RNGTT: variants seen among roughly 807,000 people sequenced by gnomAD.
RNGTT encodes RNA guanylyltransferase and 5'-phosphatase.
Under a neutral mutation model 79.3 loss-of-function variants are expected in RNGTT, and 33 were observed. The ratio of observed to expected loss-of-function variants is 0.42; its 90% CI spans 0.32 to 0.56. RNGTT has a LOEUF of 0.56. Among genes scored for constraint, RNGTT ranks in the 20% least tolerant of loss-of-function variants. RNGTT has a pLI of 0.17. For synonymous variants in RNGTT, 222 were observed against 235.9 expected (o/e 0.94, Z 0.54); for missense variants, 497 against 739.1 (o/e 0.67, Z 3.80).
intron 4 of RNGTT, among the ~76,000 whole-genome samples, chr6:88,920,901 T>C (rs116020022): frequency 0.022 from 3,329 of 152,272 alleles, 125 homozygotes; most frequent in African/African-American, 0.076. Flanking sequence ...TGTTTTATAT[T>C]CCCGGCAGTG....
intron 5 of RNGTT, 107 bp from the exon 6 acceptor site, chr6:88,905,062 T>C (rs1331316121): frequency 1.6e-5 from 22 of 1,392,330 alleles, no homozygotes; most frequent in Non-Finnish European, 2.1e-5. Flanking sequence ...ACAACAGAAG[T>C]TTATAAAATG....
chr6:88,709,570 AGTC>A (rs763350929), intron 13 of RNGTT, among the ~76,000 whole-genome samples: 141 of 152,336 alleles, frequency 9.3e-4, no homozygotes, highest in Non-Finnish European at 1.6e-3. Context: ...ATTTTGTAGT[AGTC>A]ATATTAAAAA....
At chr6:88,912,213 G>A (rs1214756331) in intron 4 of RNGTT, among the ~76,000 whole-genome samples, 2 of 151,944 alleles carry the variant, frequency 1.3e-5, no homozygotes, top group Non-Finnish European at 2.9e-5. Context: ...GACCAGCCTG[G>A]GCAATAAAGC....
intron 14 of RNGTT, among the ~76,000 whole-genome samples, chr6:88,658,124 T>C (rs904387964): frequency 2.0e-5 from 3 of 152,196 alleles, no homozygotes; most frequent in African/African-American, 7.2e-5. Flanking sequence ...CGCCACCTCC[T>C]GTCTGGAGGC....
chr6:88,740,201 C>G (rs559965787), intron 13 of RNGTT, among the ~76,000 whole-genome samples: 20 of 151,882 alleles, frequency 1.3e-4, no homozygotes, highest in African/African-American at 4.6e-4. Context: ...AGAAAGGGAA[C>G]AGCAGAATTA....
rs556258753 is a variant in RNGTT, at chr6:88,658,228, T to C, written c.1506+20125A>G. Reference sequence around the variant, plus strand: ...GCTAATTCCACCACCTGCAACACCTTGGCCAACCAGAAGTCCAGAGTCTGT... The same window carrying C: ...GCTAATTCCACCACCTGCAACACCTCGGCCAACCAGAAGTCCAGAGTCTGT... On this transcript the variant is annotated intron_variant, in intron 14 of 15. Coordinates refer to ENST00000369485, the MANE Select transcript of RNGTT (RefSeq NM_003800.5). Among the ~76,000 whole-genome samples the C allele has an allele frequency of 2.3e-3, 345 of 152,272 alleles. 1 individual carries two copies. The highest frequency in any genetic ancestry group is 7.9e-3 in the African/African-American group (327 of 41,566).
intron 14 of RNGTT, among the ~76,000 whole-genome samples, chr6:88,649,213 A>G (rs564452980): frequency 6.6e-6 from 1 of 152,352 alleles, no homozygotes; most frequent in Admixed American, 6.5e-5. Flanking sequence ...GACATGTAAC[A>G]GACAAGAAAA....
At chr6:88,664,815 T>G (rs1390155913) in intron 14 of RNGTT, among the ~76,000 whole-genome samples, 1 of 152,100 alleles carries the variant, frequency 6.6e-6, no homozygotes, top group Non-Finnish European at 1.5e-5. Flanking sequence ...GAGCCCATGG[T>G]CAGAATGACA....
At chr6:88,785,606 T>C (rs1779204293) in intron 12 of RNGTT, among the ~76,000 whole-genome samples, 1 of 152,130 alleles carries the variant, frequency 6.6e-6, no homozygotes, top group Non-Finnish European at 1.5e-5. Flanking sequence ...AGAATGACAC[T>C]TTTGCAGCCT....
intron 6 of RNGTT, among the ~76,000 whole-genome samples, chr6:88,897,290 C>G (rs1357807037): frequency 1.3e-5 from 2 of 152,150 alleles, no homozygotes; most frequent in Non-Finnish European, 2.9e-5. Flanking sequence ...TACCGTTAGT[C>G]TTTTCCACTC....
intron 8 of RNGTT, among the ~76,000 whole-genome samples, chr6:88,861,203 G>T (rs916436999): frequency 1.3e-5 from 2 of 152,190 alleles, no homozygotes; most frequent in South Asian, 4.2e-4. Context: ...TCTCAATGTT[G>T]TATTAGTATA....
chr6:88,798,172 T>C (rs994927550), intron 12 of RNGTT, among the ~76,000 whole-genome samples: 13 of 151,952 alleles, frequency 8.6e-5, no homozygotes, highest in African/African-American at 2.9e-4. Context: ...ATATAAAAAA[T>C]GAGAAAAATT....
chr6:88,643,019 C>A (rs1773383533), intron 14 of RNGTT, among the ~76,000 whole-genome samples: 1 of 152,096 alleles, frequency 6.6e-6, no homozygotes, highest in Non-Finnish European at 1.5e-5. Context: ...AATACAGTTA[C>A]ATCCTGCTTA....
At chr6:88,680,726 G>A (rs1775062646) in intron 13 of RNGTT, among the ~76,000 whole-genome samples, 1 of 138,610 alleles carries the variant, frequency 7.2e-6, no homozygotes, top group Non-Finnish European at 1.5e-5. Flanking sequence ...CGGGCAAGAA[G>A]AGCAAAACTC....
At chr6:88,794,088 T>G (rs1475345406) in intron 12 of RNGTT, among the ~76,000 whole-genome samples, 1 of 152,232 alleles carries the variant, frequency 6.6e-6, no homozygotes, top group Non-Finnish European at 1.5e-5. Context: ...GCTAAGCTCT[T>G]ACAGCCTCTA....
At chr6:88,783,800 G>A (rs535288800) in intron 12 of RNGTT, among the ~76,000 whole-genome samples, 128 of 152,156 alleles carry the variant, frequency 8.4e-4, no homozygotes, top group Admixed American at 3.5e-3. Context: ...GGCCTCTATG[G>A]GCCAATCAAA....
At chr6:88,813,340 C>T (rs527607878) in intron 11 of RNGTT, among the ~76,000 whole-genome samples, 1 of 152,256 alleles carries the variant, frequency 6.6e-6, no homozygotes, top group South Asian at 2.1e-4. Context: ...GAGGACTTTC[C>T]AGACCTCTCC....
At chr6:88,833,977 C>T (rs1780973217) in intron 11 of RNGTT, among the ~76,000 whole-genome samples, 1 of 152,128 alleles carries the variant, frequency 6.6e-6, no homozygotes, top group African/African-American at 2.4e-5. Context: ...GCCGAGATAG[C>T]ACCAATGCAC....
At chr6:88,928,047 A>C (rs1228155269) in intron 4 of RNGTT, among the ~76,000 whole-genome samples, 1 of 151,484 alleles carries the variant, frequency 6.6e-6, no homozygotes, top group African/African-American at 2.4e-5. Flanking sequence ...TCTACAAAAA[A>C]TAAAAATAAA....
Sources: gnomAD v4.1 joint callset for allele counts (sites outside exome capture counted in the v4.1 genomes callset) on GRCh38, gnomAD v4.1.1 for gene constraint, MANE v1.5 for transcripts, NCBI Gene and HGNC (gene_info 2026-07-23, HGNC 2026-07-21) for gene names.